The following TRDN variants were observed in gnomAD, a reference collection of about 807,000 sequenced individuals.
TRDN encodes triadin in skeletal muscle.
TRDN carries 161 observed loss-of-function variants against 149.7 expected under a neutral mutation model. That is an observed-to-expected ratio of 1.08 (90% CI 0.95 to 1.23). The LOEUF is 1.23. TRDN is among the 50% of genes most tolerant of loss of function. TRDN has a pLI of 0.00. For synonymous variants in TRDN, 294 were observed against 250.5 expected (o/e 1.17, Z -1.64); for missense variants, 896 against 823.5 (o/e 1.09, Z -1.08).
intron 5 of TRDN, among the ~76,000 whole-genome samples, chr6:123,524,639 C>G (rs1452983552): frequency 6.6e-6 from 1 of 151,954 alleles, no homozygotes; most frequent in East Asian, 1.9e-4. Flanking sequence ...AAAAACAAAA[C>G]AAAATTTTAA....
At chr6:123,600,065 T>G (rs1784212462) in intron 1 of TRDN, among the ~76,000 whole-genome samples, 2 of 152,088 alleles carry the variant, frequency 1.3e-5, no homozygotes, top group African/African-American at 4.8e-5. Flanking sequence ...GCACAATGAC[T>G]GGCACTAAGC....
At chr6:123,388,418 A>C in intron 14 of TRDN, 104 bp downstream of exon 14, 2 of 1,291,254 alleles carry the variant, frequency 1.5e-6, no homozygotes, top group East Asian at 5.1e-5. Context: ...TAATAGATCC[A>C]GTTATCCAAG....
In TRDN at chr6:123,252,167, A is replaced by T. The variant is rs185106451; in HGVS notation, c.1975+245T>A. On this transcript the variant is annotated intron_variant, in intron 38 of 40. Transcript: ENST00000334268. ...ACATTTATTTATTTAAATGCAAGTC[A>T]TTTTTATTTTCAGGCTTGAGAAAAT... 1.6e-3 allele frequency among the ~76,000 whole-genome samples: 248 copies of T among 152,134 alleles called. 2 individuals carry two copies. The highest frequency in any genetic ancestry group is 5.5e-3 in the African/African-American group (230 of 41,562).
At chr6:123,397,290 T>C (rs748276620) in intron 12 of TRDN, among the ~76,000 whole-genome samples, 40 of 152,220 alleles carry the variant, frequency 2.6e-4, no homozygotes, top group Non-Finnish European at 5.1e-4. Context: ...GTAAAGCAGG[T>C]AGTGGGCTCC....
chr6:123,288,708 T>C, intron 24 of TRDN, among the ~76,000 whole-genome samples: 1 of 152,048 alleles, frequency 6.6e-6, no homozygotes, highest in Admixed American at 6.6e-5. Context: ...GAATGAGTAT[T>C]ATCAAAAAGA....
intron 7 of TRDN, among the ~76,000 whole-genome samples, chr6:123,509,149 T>TAC (rs1053445681): frequency 2.0e-5 from 3 of 152,022 alleles, no homozygotes; most frequent in African/African-American, 7.2e-5. Context: ...TACATATATA[T>TAC]ACACACATAT....
At chr6:123,323,239 C>T (rs1355528881) in intron 23 of TRDN, among the ~76,000 whole-genome samples, 1 of 152,064 alleles carries the variant, frequency 6.6e-6, no homozygotes, top group East Asian at 1.9e-4. Context: ...CCCTGGTGTG[C>T]ATTATCTTCA....
chr6:123,597,074 A>G (rs9490828), intron 1 of TRDN, among the ~76,000 whole-genome samples: 1,624 of 152,190 alleles, frequency 0.011, 30 homozygotes, highest in African/African-American at 0.036. Context: ...CAAATTTACA[A>G]TCTTCTGGAG....
chr6:123,349,100 G>A (rs1310538357), intron 21 of TRDN, among the ~76,000 whole-genome samples: 1 of 152,082 alleles, frequency 6.6e-6, no homozygotes, highest in Non-Finnish European at 1.5e-5. Context: ...AATAGTGTTA[G>A]TGGAAAGAAA....
intron 8 of TRDN, chr6:123,498,147 C>G (rs1283470908): frequency 6.2e-6 from 1 of 162,498 alleles, no homozygotes; most frequent in Admixed American, 6.0e-5. Context: ...TTCAATATTC[C>G]TGAAATATGC....
chr6:123,263,406 T>C (rs1776838851), intron 33 of TRDN, among the ~76,000 whole-genome samples: 1 of 152,006 alleles, frequency 6.6e-6, no homozygotes, highest in Admixed American at 6.6e-5. Context: ...CTGCGTAACG[T>C]AAAAGTATAA....
At chr6:123,334,576 G>A (rs950541142) in intron 22 of TRDN, among the ~76,000 whole-genome samples, 7 of 151,998 alleles carry the variant, frequency 4.6e-5, no homozygotes, top group African/African-American at 1.7e-4. Context: ...TTTTCTGGAT[G>A]GTCAAGACCT....
chr6:123,526,294 A>G (rs1382391417), intron 5 of TRDN, among the ~76,000 whole-genome samples: 1 of 152,004 alleles, frequency 6.6e-6, no homozygotes, highest in Non-Finnish European at 1.5e-5. Context: ...GTATCTAGGA[A>G]CTGATAGATA....
chr6:123,347,276 C>A (rs982829288), intron 21 of TRDN, among the ~76,000 whole-genome samples: 2 of 152,036 alleles, frequency 1.3e-5, no homozygotes, highest in African/African-American at 4.8e-5. Context: ...GTCATTATTG[C>A]CATGTTGTAA....
intron 21 of TRDN, among the ~76,000 whole-genome samples, chr6:123,339,269 T>C (rs1005769365): frequency 6.6e-6 from 1 of 152,108 alleles, no homozygotes; most frequent in Non-Finnish European, 1.5e-5. Flanking sequence ...TCTCCCAAAG[T>C]GCTGGGATTA....
chr6:123,607,741 T>C (rs1784586320), intron 1 of TRDN, among the ~76,000 whole-genome samples: 1 of 152,220 alleles, frequency 6.6e-6, no homozygotes, highest in Non-Finnish European at 1.5e-5. Context: ...AGGAAAATAT[T>C]AAAGCCTCTT....
At chr6:123,513,736 A>G (rs1779285855) in intron 6 of TRDN, among the ~76,000 whole-genome samples, 3 of 152,122 alleles carry the variant, frequency 2.0e-5, no homozygotes, top group Admixed American at 1.3e-4. Context: ...ATTGGGGTCC[A>G]GGTGGTATTT....
chr6:123,521,252 C>T (rs1203357243), intron 5 of TRDN, among the ~76,000 whole-genome samples: 1 of 152,100 alleles, frequency 6.6e-6, no homozygotes, highest in Non-Finnish European at 1.5e-5. Flanking sequence ...TCATTAGCCC[C>T]AGAGCCTAAG....
intron 10 of TRDN, among the ~76,000 whole-genome samples, chr6:123,455,041 G>A (rs903408756): frequency 6.6e-6 from 1 of 152,180 alleles, no homozygotes; most frequent in African/African-American, 2.4e-5. Flanking sequence ...CAAGCTGATT[G>A]AGTCATGGGC....
Sources: gnomAD v4.1 joint callset for allele counts (sites outside exome capture counted in the v4.1 genomes callset) on GRCh38, gnomAD v4.1.1 for gene constraint, MANE v1.5 for transcripts, NCBI Gene and HGNC (gene_info 2026-07-23, HGNC 2026-07-21) for gene names.